COL4A5: variants seen among roughly 807,000 people sequenced by gnomAD.
COL4A5 encodes collagen alpha-5(IV) chain.
Under a neutral mutation model 130.2 loss-of-function variants are expected in COL4A5, and 26 were observed. The ratio of observed to expected loss-of-function variants is 0.20; its 90% CI spans 0.15 to 0.28. The LOEUF (loss-of-function observed/expected upper bound fraction) is 0.28, where lower values mean the gene tolerates loss of function less well. Among genes scored for constraint, COL4A5 ranks in the 10% least tolerant of loss-of-function variants. The probability of loss-of-function intolerance (pLI) is 1.00; values close to 1 mark genes in which losing one functional copy is unlikely to be tolerated. For synonymous variants in COL4A5, 496 were observed against 439.6 expected (o/e 1.13, Z -1.60); for missense variants, 1,131 against 1,344.3 (o/e 0.84, Z 2.48).
At chrX:108,592,599 C>T (rs2066453992) in intron 21 of COL4A5, among the ~76,000 whole-genome samples, 2 of 111,023 alleles carry the variant, frequency 1.8e-5, no homozygotes, top group Admixed American at 9.7e-5. Flanking sequence ...CACTGCCTAC[C>T]ACTCCACAAA....
At chrX:108,540,405 ATTTTTAT>A (rs756869056) in intron 2 of COL4A5, among the ~76,000 whole-genome samples, 1 of 112,004 alleles carries the variant, frequency 8.9e-6, no homozygotes, top group Non-Finnish European at 1.9e-5. Context: ...AATATCATGT[ATTTTTAT>A]CTAGTCTATG....
Position 108,542,537 on chromosome X carries a change from T to G in COL4A5, c.141+2732T>G, listed in dbSNP as rs780363957. Reference sequence around the variant, plus strand: ...GGACATTTGGGTTGGTTCCAAGTCTTTGCTATTGTGAATAGTGCCGCAATA... The same window carrying G: ...GGACATTTGGGTTGGTTCCAAGTCTGTGCTATTGTGAATAGTGCCGCAATA... On this transcript the variant is annotated intron_variant, in intron 2 of 52. Transcript: ENST00000328300. Among the ~76,000 whole-genome samples, 66 of 111,081 alleles carry G rather than the reference T, an allele frequency of 5.9e-4. 1 individual carries two copies. Among genetic ancestry groups the G allele is most frequent in the African/African-American group, 2.1e-3 (63 of 30,108 alleles).
chrX:108,485,960 A>G (rs2064940789), intron 1 of COL4A5, among the ~76,000 whole-genome samples: 1 of 111,572 alleles, frequency 9.0e-6, no homozygotes, highest in Non-Finnish European at 1.9e-5. Flanking sequence ...TGCAGTGGTG[A>G]GCCTTGCTGG....
intron 1 of COL4A5, among the ~76,000 whole-genome samples, chrX:108,453,110 T>C (rs2064543544): frequency 8.9e-6 from 1 of 111,875 alleles, no homozygotes; most frequent in African/African-American, 3.3e-5. Flanking sequence ...TTGGTTCTGT[T>C]TGTATGCTGG....
intron 1 of COL4A5, among the ~76,000 whole-genome samples, chrX:108,505,264 A>C (rs1178671737): frequency 1.8e-5 from 2 of 109,323 alleles, no homozygotes; most frequent in Non-Finnish European, 1.9e-5. Context: ...AAAAAAAAAA[A>C]CTACATACTC....
intron 30 of COL4A5, 93 bp from the exon 31 acceptor site, chrX:108,620,166 A>G (rs935828177): frequency 5.3e-6 from 4 of 747,755 alleles, no homozygotes; most frequent in East Asian, 6.4e-5. Flanking sequence ...TCTGTTATCT[A>G]CAGGGTTCTA....
chrX:108,574,859 C>T (rs917807702), intron 9 of COL4A5, among the ~76,000 whole-genome samples: 3 of 111,197 alleles, frequency 2.7e-5, no homozygotes. Context: ...ATGATCATGG[C>T]TCACTGCAGT....
chrX:108,515,206 A>C (rs1471576796), intron 1 of COL4A5, among the ~76,000 whole-genome samples: 1 of 112,043 alleles, frequency 8.9e-6, no homozygotes, highest in Non-Finnish European at 1.9e-5. Flanking sequence ...TGCCTCAATC[A>C]GAAACTATGA....
intron 36 of COL4A5, among the ~76,000 whole-genome samples, chrX:108,649,324 A>T (rs2067673374): frequency 1.8e-5 from 2 of 111,851 alleles, no homozygotes; most frequent in South Asian, 7.5e-4. Context: ...GAAAATGACC[A>T]TACTGCCAAA....
intron 34 of COL4A5, among the ~76,000 whole-genome samples, chrX:108,625,421 C>T (rs367590039): frequency 3.6e-5 from 4 of 112,017 alleles, no homozygotes; most frequent in African/African-American, 1.3e-4. Flanking sequence ...CAGCAAATAG[C>T]ACTTCAGGTG....
chrX:108,482,521 A>C (rs1187194502), intron 1 of COL4A5, among the ~76,000 whole-genome samples: 1 of 111,079 alleles, frequency 9.0e-6, no homozygotes, highest in Non-Finnish European at 1.9e-5. Context: ...CTGGCAAAAA[A>C]GGTTCATCAG....
intron 2 of COL4A5, among the ~76,000 whole-genome samples, chrX:108,551,790 T>C (rs1215962060): frequency 9.0e-6 from 1 of 111,683 alleles, no homozygotes; most frequent in Non-Finnish European, 1.9e-5. Context: ...CTATTCACAA[T>C]AGCAAAGATG....
intron 1 of COL4A5, among the ~76,000 whole-genome samples, chrX:108,446,252 T>A (rs1359785452): frequency 8.9e-6 from 1 of 112,284 alleles, no homozygotes; most frequent in Admixed American, 9.5e-5. Context: ...TTTCCCATGT[T>A]AACATTCTTA....
intron 21 of COL4A5, among the ~76,000 whole-genome samples, chrX:108,594,637 T>C (rs1162664952): frequency 2.8e-5 from 3 of 108,412 alleles, no homozygotes; most frequent in Non-Finnish European, 3.8e-5. Context: ...GTTCCTTGTA[T>C]ATACCAAACA....
chrX:108,534,935 C>T (rs185757181), intron 1 of COL4A5, among the ~76,000 whole-genome samples: 83 of 110,642 alleles, frequency 7.5e-4, no homozygotes, highest in Middle Eastern at 4.7e-3. Flanking sequence ...TCTAGAATCC[C>T]AATTTCCTTT....
chrX:108,601,425 C>T lies in COL4A5; in HGVS notation c.1981C>T (p.Gln661Ter). 1 of 1,208,642 alleles carries T rather than the reference C, an allele frequency of 8.3e-7. No homozygotes were observed. The highest frequency in any genetic ancestry group is 1.1e-6 in the Non-Finnish European group (1 of 894,154). ...AGGGGATCCAGGTCAGACTATAACC[C>T]AGCCGGGGAAGCCTGGCTTGCCTGG... ...PKGDPGQTIT[Q>*]PGKPGLPGNP... The change falls in exon 26 of 53, where the codon CAG becomes TAG. Residue 661 changes from glutamine to a stop codon, truncating the protein, a stop_gained. Transcript: ENST00000328300. LOFTEE classifies it high-confidence loss of function.
intron 1 of COL4A5, among the ~76,000 whole-genome samples, chrX:108,444,440 C>G (rs762830083): frequency 9.0e-6 from 1 of 111,236 alleles, no homozygotes; most frequent in South Asian, 3.8e-4. Flanking sequence ...AGGATGGTCT[C>G]GAACTCCTGA....
At chrX:108,653,322 G>A (rs753205487) in intron 36 of COL4A5, among the ~76,000 whole-genome samples, 1 of 110,137 alleles carries the variant, frequency 9.1e-6, no homozygotes. Flanking sequence ...AAGACCCCCC[G>A]TTGGATGCCT....
chrX:108,595,076 T>C (rs1445937660), intron 21 of COL4A5, among the ~76,000 whole-genome samples: 1 of 111,096 alleles, frequency 9.0e-6, no homozygotes. Context: ...TTGGCCAGGC[T>C]GGTCTTGAAC....
Sources: gnomAD v4.1 joint callset for allele counts (sites outside exome capture counted in the v4.1 genomes callset) on GRCh38, gnomAD v4.1.1 for gene constraint, MANE v1.5 for transcripts, NCBI Gene and HGNC (gene_info 2026-07-23, HGNC 2026-07-21) for gene names.